Variants in KDM6A observed in about 807,000 individuals in gnomAD.
KDM6A encodes the protein lysine demethylase 6A, also known as lysine-specific demethylase 6A.
A neutral mutation model predicts 117.6 loss-of-function variants in KDM6A; 11 were observed. The observed-to-expected ratio is 0.09, with a 90% confidence interval of 0.06 to 0.15. KDM6A has a LOEUF of 0.15. Among genes scored for constraint, KDM6A ranks in the 10% least tolerant of loss-of-function variants. KDM6A has a pLI of 1.00. For missense variants in KDM6A, 799 were observed against 1,077.3 expected (o/e 0.74, Z 3.62); for synonymous variants, 384 against 396.1 (o/e 0.97, Z 0.36).
chrX:44,887,180 A>G (rs2146564707), intron 2 of KDM6A, among the ~76,000 whole-genome samples: 1 of 110,804 alleles, frequency 9.0e-6, no homozygotes, highest in Admixed American at 9.7e-5. Context: ...TCGGCCTCTG[A>G]AAGTTCTGGG....
In KDM6A at chrX:45,007,413, T is replaced by TA. The variant is rs912243335; in HGVS notation, c.385-3542dup. On this transcript the variant is annotated intron_variant, in intron 4 of 29. Transcript: ENST00000611820. Reference sequence around the variant, plus strand: ...CCACTTTTTTCTTCAGTAAATAATGTAAAAAAGACTGCATTGACATGGCTA... The same window carrying TA: ...CCACTTTTTTCTTCAGTAAATAATGTAAAAAAAGACTGCATTGACATGGCTA... Among the ~76,000 whole-genome samples the TA allele has an allele frequency of 2.7e-5, 3 of 112,136 alleles. No homozygotes were observed. In the Admixed American group the frequency reaches 2.8e-4, roughly 11 times the overall value.
chrX:44,985,877 G>A (rs2040193630), intron 4 of KDM6A, among the ~76,000 whole-genome samples: 1 of 110,852 alleles, frequency 9.0e-6, no homozygotes, highest in Non-Finnish European at 1.9e-5. Flanking sequence ...TCTCTTTTTT[G>A]GTTGTATCTC....
In KDM6A at chrX:45,070,352, A is replaced by G. The variant is rs770439782; in HGVS notation, c.2853A>G (p.Ala951=). 6 of 1,208,566 alleles carry G rather than the reference A, an allele frequency of 5.0e-6. No individual in the cohort carries two copies. The highest frequency in any genetic ancestry group is 5.9e-5 in the East Asian group (2 of 33,840). Residue 951 remains alanine, a synonymous_variant, in exon 18 of 30, where the codon GCA becomes GCG. Coordinates refer to ENST00000611820, the MANE Select transcript of KDM6A (RefSeq NM_001291415.2). ...CCAGCTCAGCAGAAGTTCTGAAGGC[A>G]TGCAGGTTAGTGTGGGAAAGTTCAT... ...IYPSSAEVLK[A]CRNLGKNGLS...
Position 45,040,775 on chromosome X carries a change from A to AC in KDM6A, c.654+3093dup, listed in dbSNP as rs1212397310. 2.1e-3 allele frequency among the ~76,000 whole-genome samples: 101 copies of AC among 48,694 alleles called. 3 individuals carry two copies. The highest frequency in any genetic ancestry group is 8.2e-3 in the African/African-American group (93 of 11,376). 42.3% of individuals were successfully genotyped at this position (48,694 alleles called of 115,157 possible). ...GGGCGGCTGGCCGGGCGGGGGGCTG[A>AC]CCCCCCCAACCTCCCTCCCGGACGG... On this transcript the variant is annotated intron_variant, in intron 8 of 29. Transcript: ENST00000611820.
chrX:44,961,256 T>C (rs2038655865), intron 2 of KDM6A, 28 bp from the exon 3 acceptor site: 1 of 1,090,475 alleles, frequency 9.2e-7, no homozygotes, highest in Non-Finnish European at 1.3e-6. Flanking sequence ...TATTTTTTGC[T>C]TACATATTTG....
chrX:44,929,963 A>AT (rs1199986733), intron 2 of KDM6A, among the ~76,000 whole-genome samples: 4 of 110,113 alleles, frequency 3.6e-5, no homozygotes, highest in Non-Finnish European at 5.7e-5. Context: ...TCGATTAGTT[A>AT]TTTTTTCTGC....
At chrX:44,985,972 T>G (rs1317362965) in intron 4 of KDM6A, among the ~76,000 whole-genome samples, 1 of 112,073 alleles carries the variant, frequency 8.9e-6, no homozygotes, top group East Asian at 2.8e-4. Flanking sequence ...TGGAATAGTT[T>G]CAGAAGGAAT....
At chrX:45,071,860 C>T (rs2044862486) in intron 18 of KDM6A, among the ~76,000 whole-genome samples, 1 of 110,970 alleles carries the variant, frequency 9.0e-6, no homozygotes. Context: ...CGCTCTGCCT[C>T]CCAGGTTCAA....
intron 2 of KDM6A, among the ~76,000 whole-genome samples, chrX:44,934,230 T>C (rs2036838469): frequency 8.9e-6 from 1 of 112,004 alleles, no homozygotes; most frequent in South Asian, 3.7e-4. Flanking sequence ...ATATTTGGCA[T>C]GCCATCATCT....
intron 6 of KDM6A, among the ~76,000 whole-genome samples, chrX:45,021,791 A>C (rs2042179498): frequency 8.9e-6 from 1 of 111,886 alleles, no homozygotes; most frequent in South Asian, 3.7e-4. Context: ...AGGTAAGTGC[A>C]GTCGAGGAAT....
intron 9 of KDM6A, among the ~76,000 whole-genome samples, chrX:45,052,560 CAA>C (rs755686635): frequency 3.7e-4 from 41 of 111,358 alleles, no homozygotes; most frequent in South Asian, 7.5e-4. Context: ...TGAATAAAAA[CAA>C]ATATTTTGAC....
At position 45,069,669 on chromosome X, in the gene KDM6A, G is replaced by A; in HGVS notation, c.2170G>A (p.Ala724Thr). The A allele has an allele frequency of 2.5e-6, 3 of 1,210,092 alleles. No homozygotes were observed. Among genetic ancestry groups the A allele is most frequent in the Non-Finnish European group, 3.4e-6 (3 of 894,426 alleles). ...STGPSQHLQA[A>T]GSGIQNQNGH... ...TGGGCCTTCCCAGCATCTCCAGGCA[G>A]CTGGCTCTGGTATTCAGAATCAGAA... is the stretch of plus-strand genomic sequence containing the variant. Residue 724 changes from alanine (A) to threonine (T), a missense_variant, in exon 18 of 30, where the codon GCT becomes ACT. Ala to Thr is a moderately conservative substitution (Grantham distance 58). Transcript: ENST00000611820.
intron 9 of KDM6A, among the ~76,000 whole-genome samples, chrX:45,052,429 T>C (rs2043894640): frequency 8.9e-6 from 1 of 112,211 alleles, no homozygotes; most frequent in South Asian, 3.7e-4. Flanking sequence ...TTAGCCAGCA[T>C]TGTAGCAGTA....
intron 2 of KDM6A, 114 bp from the exon 3 acceptor site, chrX:44,961,170 T>A (rs2038649326): frequency 2.0e-6 from 1 of 503,710 alleles, no homozygotes; most frequent in Non-Finnish European, 3.3e-6. Flanking sequence ...GAAGTGAAAT[T>A]TTCAATATTG....
chrX:44,890,579 A>G (rs1235559553), intron 2 of KDM6A, among the ~76,000 whole-genome samples: 1 of 103,189 alleles, frequency 9.7e-6, no homozygotes, highest in African/African-American at 3.5e-5. Flanking sequence ...CATTCTTGTT[A>G]GGATGTATTG....
intron 27 of KDM6A, among the ~76,000 whole-genome samples, chrX:45,092,269 G>C (rs1400762286): frequency 9.0e-6 from 1 of 111,290 alleles, no homozygotes; most frequent in Non-Finnish European, 1.9e-5. Flanking sequence ...CAAGGTACAA[G>C]CCATTTATCT....
chrX:45,109,054 G>T (rs1158524548), intron 28 of KDM6A, among the ~76,000 whole-genome samples: 2 of 103,388 alleles, frequency 1.9e-5, no homozygotes, highest in African/African-American at 3.5e-5. Context: ...CACCACCATG[G>T]CACATGTATA....
At chrX:44,885,639 G>A (rs1025040630) in intron 2 of KDM6A, among the ~76,000 whole-genome samples, 5 of 110,624 alleles carry the variant, frequency 4.5e-5, no homozygotes, top group African/African-American at 1.6e-4. Context: ...CAGGGGCCAA[G>A]GCGGGCAGAT....
intron 2 of KDM6A, among the ~76,000 whole-genome samples, chrX:44,945,080 G>T (rs2072919758): frequency 1.8e-5 from 2 of 111,272 alleles, no homozygotes; most frequent in Admixed American, 9.6e-5. Flanking sequence ...TTTTTGCTGG[G>T]TATAGAATTG....
Sources: gnomAD v4.1 joint callset for allele counts (sites outside exome capture counted in the v4.1 genomes callset) on GRCh38, gnomAD v4.1.1 for gene constraint, MANE v1.5 for transcripts, NCBI Gene and HGNC (gene_info 2026-07-23, HGNC 2026-07-21) for gene names.